Variants in PALS2 observed in about 807,000 individuals in gnomAD.
PALS2 encodes the protein protein associated with LIN7 2, MAGUK p55 family member, also known as protein PALS2.
A neutral mutation model predicts 61.6 loss-of-function variants in PALS2; 27 were observed. The observed-to-expected ratio is 0.44, with a 90% confidence interval of 0.32 to 0.60. The LOEUF (loss-of-function observed/expected upper bound fraction) is 0.60. Among genes scored for constraint, PALS2 ranks in the 20% least tolerant of loss-of-function variants. PALS2 has a pLI of 0.05. For synonymous variants in PALS2, 236 were observed against 218.6 expected (o/e 1.08, Z -0.70); for missense variants, 554 against 639.4 (o/e 0.87, Z 1.44).
chr7:24,621,951 T>G (rs1396332013), intron 1 of PALS2, among the ~76,000 whole-genome samples: 2 of 152,044 alleles, frequency 1.3e-5, no homozygotes, highest in Non-Finnish European at 2.9e-5. Context: ...TTTTCTTTAT[T>G]GAATTGTCTT....
intron 1 of PALS2, among the ~76,000 whole-genome samples, chr7:24,601,168 C>T (rs528978763): frequency 1.3e-5 from 2 of 152,244 alleles, no homozygotes; most frequent in African/African-American, 2.4e-5. Flanking sequence ...TCCTTCACCA[C>T]GTATGCATAT....
chr7:24,664,604 A>G (rs891708022), intron 6 of PALS2, among the ~76,000 whole-genome samples: 2 of 152,178 alleles, frequency 1.3e-5, no homozygotes, highest in African/African-American at 4.8e-5. Context: ...AGGAGAAACA[A>G]ATCACAGAAT....
intron 11 of PALS2, among the ~76,000 whole-genome samples, chr7:24,684,775 T>C (rs1377906301): frequency 6.6e-6 from 1 of 152,214 alleles, no homozygotes; most frequent in Non-Finnish European, 1.5e-5. Flanking sequence ...CCTCTTATCC[T>C]GAAAACCTTG....
At chr7:24,640,906 G>T (rs1388730169) in intron 2 of PALS2, among the ~76,000 whole-genome samples, 1 of 150,728 alleles carries the variant, frequency 6.6e-6, no homozygotes, top group Non-Finnish European at 1.5e-5. Flanking sequence ...TACTTGGGAG[G>T]CTGAGGCAGG....
chr7:24,687,700 A>G lies in PALS2; in HGVS notation c.*86A>G. The G allele has an allele frequency of 7.6e-7, 1 of 1,316,512 alleles. No homozygotes were observed. Among genetic ancestry groups the G allele is most frequent in the South Asian group, 1.6e-5 (1 of 64,370 alleles). 81.6% of individuals were successfully genotyped at this position (1,316,512 alleles called of 1,614,324 possible). Reference sequence around the variant, plus strand: ...CTTCTACTGAGAAAATACATCACAGATAGAAGATTATCTGCTAAGTCCAGG... The same window carrying G: ...CTTCTACTGAGAAAATACATCACAGGTAGAAGATTATCTGCTAAGTCCAGG... On this transcript the variant is annotated 3_prime_UTR_variant, in exon 12 of 12. Transcript: ENST00000222644. The surrounding 1 kb of genome is among the most constrained non-coding windows in gnomAD (Gnocchi z 4.5).
At chr7:24,655,162 G>A (rs1209744051) in intron 5 of PALS2, among the ~76,000 whole-genome samples, 2 of 152,170 alleles carry the variant, frequency 1.3e-5, no homozygotes, top group African/African-American at 2.4e-5. Flanking sequence ...ACACATTGGG[G>A]AGAAAAGTTT....
chr7:24,635,904 G>C (rs564509282), intron 2 of PALS2, among the ~76,000 whole-genome samples: 13 of 151,990 alleles, frequency 8.6e-5, no homozygotes, highest in Non-Finnish European at 1.0e-4. Flanking sequence ...ACCTTTTTAG[G>C]ATAGATCTGA....
intron 1 of PALS2, among the ~76,000 whole-genome samples, chr7:24,590,911 G>T (rs567701643): frequency 2.2e-4 from 34 of 151,370 alleles, no homozygotes; most frequent in African/African-American, 6.8e-4. Context: ...TTTTGTGAGA[G>T]AATTATTTTC....
intron 2 of PALS2, among the ~76,000 whole-genome samples, chr7:24,637,436 T>C (rs1326453178): frequency 1.3e-5 from 2 of 152,102 alleles, no homozygotes; most frequent in Non-Finnish European, 2.9e-5. Context: ...TTTTGAGTAT[T>C]AGTGAGCCTG....
intron 1 of PALS2, among the ~76,000 whole-genome samples, chr7:24,601,507 G>C (rs148557572): frequency 6.6e-6 from 1 of 152,002 alleles, no homozygotes; most frequent in African/African-American, 2.4e-5. Context: ...ACGTGTCACC[G>C]ATCTTCTTAG....
At chr7:24,584,847 T>G (rs1782996750) in intron 1 of PALS2, among the ~76,000 whole-genome samples, 1 of 151,898 alleles carries the variant, frequency 6.6e-6, no homozygotes, top group Admixed American at 6.5e-5. Flanking sequence ...GTATAAGGTG[T>G]AAGGAAGGGA....
In PALS2 at chr7:24,649,647, G is replaced by A. The variant is rs780920174; in HGVS notation, c.306G>A (p.Lys102=). The change falls in exon 4 of 12, where the codon AAG becomes AAA. Residue 102 remains lysine, a synonymous_variant. Coordinates refer to ENST00000222644, the MANE Select transcript of PALS2 (RefSeq NM_001303037.2). ...LLEAHDIVAS[K]CYDSPPSSPE... ...AGGCCCATGATATTGTGGCATCAAA[G>A]TGTTATGATTCACCTCCATCAAGCC... The A allele has an allele frequency of 1.9e-6, 3 of 1,611,044 alleles. No homozygotes were observed. The highest frequency in any genetic ancestry group is 2.5e-6 in the Non-Finnish European group (3 of 1,178,676).
At chr7:24,683,334 T>A (rs1319334920) in intron 11 of PALS2, among the ~76,000 whole-genome samples, 1 of 152,148 alleles carries the variant, frequency 6.6e-6, no homozygotes, top group African/African-American at 2.4e-5. Flanking sequence ...GAATAATGAG[T>A]TTATTCCCCA....
chr7:24,677,837 G>A (rs1787700614), intron 9 of PALS2, among the ~76,000 whole-genome samples: 1 of 152,162 alleles, frequency 6.6e-6, no homozygotes, highest in South Asian at 2.1e-4. Flanking sequence ...TCAAGGTTGA[G>A]CCAGAAAACA....
rs116492389 is a variant in PALS2 at position 24,680,996 on chromosome 7, A to G, written c.1446+476A>G. ...TTAGGATCTGGAACAGTATTCTTTT[A>G]CTTGAAAATCATTGTACACTTTATT... On this transcript the variant is annotated intron_variant, in intron 11 of 11. Transcript: ENST00000222644. Among the ~76,000 whole-genome samples the G allele has an allele frequency of 5.2e-3, 789 of 152,324 alleles. 7 individuals are homozygous for G. The highest frequency in any genetic ancestry group is 0.017 in the African/African-American group (722 of 41,578).
At chr7:24,668,276 C>T (rs1411116173) in intron 8 of PALS2, among the ~76,000 whole-genome samples, 1 of 152,108 alleles carries the variant, frequency 6.6e-6, no homozygotes, top group African/African-American at 2.4e-5. Context: ...CACCACTATA[C>T]TCTACCCTGG....
intron 1 of PALS2, among the ~76,000 whole-genome samples, chr7:24,610,381 C>T (rs374503476): frequency 1.3e-5 from 2 of 152,114 alleles, no homozygotes; most frequent in Admixed American, 1.3e-4. Flanking sequence ...TTTTGGTCTA[C>T]TCTAATAAAT....
At chr7:24,657,889 G>A (rs1365704254) in intron 5 of PALS2, among the ~76,000 whole-genome samples, 1 of 152,084 alleles carries the variant, frequency 6.6e-6, no homozygotes, top group Non-Finnish European at 1.5e-5. Flanking sequence ...TAGGATGTGA[G>A]GAAAGGATCA....
At chr7:24,676,501 G>A (rs1562660515) in intron 9 of PALS2, among the ~76,000 whole-genome samples, 3 of 151,928 alleles carry the variant, frequency 2.0e-5, no homozygotes, top group Admixed American at 6.6e-5. Flanking sequence ...GGGTTTTTAT[G>A]GTTTTAGGTC....
Sources: gnomAD v4.1 joint callset for allele counts (sites outside exome capture counted in the v4.1 genomes callset) on GRCh38, gnomAD v4.1.1 for gene constraint, Gnocchi (gnomAD v3.1) non-coding constraint, MANE v1.5 for transcripts, NCBI Gene and HGNC (gene_info 2026-07-23, HGNC 2026-07-21) for gene names.